Variants in TCTN2 observed in about 807,000 individuals in gnomAD.
TCTN2 encodes the protein tectonic-2.
TCTN2 carries 66 observed loss-of-function variants against 83.4 expected under a neutral mutation model. That is an observed-to-expected ratio of 0.79 (90% CI 0.65 to 0.97). TCTN2 has a LOEUF of 0.97. Among genes scored for constraint, TCTN2 ranks in the 50% least tolerant of loss-of-function variants. The pLI is 0.00. For missense variants in TCTN2, 794 were observed against 858.1 expected, an observed-to-expected ratio of 0.93 and a Z score of 0.93; for synonymous variants, 301 against 326.7, an observed-to-expected ratio of 0.92 and a Z score of 0.85.
intron 15 of TCTN2, 52 bp downstream of exon 15, chr12:123,704,740 G>C: frequency 6.3e-7 from 1 of 1,590,970 alleles, no homozygotes; most frequent in Admixed American, 1.7e-5. Flanking sequence ...GGAAAGTTGA[G>C]AGCATCCCAA....
Position 123,686,883 on chromosome 12 carries a change from C to T in TCTN2, c.612C>T (p.Thr204=), listed in dbSNP as rs761526808. Residue 204 remains threonine (T), a synonymous_variant, in exon 6 of 18, where the codon ACC becomes ACT. Transcript: ENST00000303372. ...LTTLFRRSCF[T]GVFGGDVNPP... is the part of the protein sequence containing the mutation. ...CGCTGTTCAGACGGTCCTGCTTCAC[C>T]GGCGTGTTTGGAGGAGACGTCAATC... 1.0e-4 allele frequency: 165 copies of T among 1,614,072 alleles called. No individual in the cohort carries two copies. The highest frequency in any genetic ancestry group is 4.0e-4 in the Admixed American group (24 of 59,992).
intron 5 of TCTN2, among the ~76,000 whole-genome samples, chr12:123,685,678 C>G (rs1955955837): frequency 6.6e-6 from 1 of 151,410 alleles, no homozygotes; most frequent in Non-Finnish European, 1.5e-5. Context: ...CTCAGCCTCC[C>G]AAAGTGCTGG....
chr12:123,679,449 C>T (rs976492216), intron 5 of TCTN2, among the ~76,000 whole-genome samples, 160 bp downstream of exon 5: 2 of 152,120 alleles, frequency 1.3e-5, no homozygotes, highest in Non-Finnish European at 1.5e-5. Context: ...GCAGCCTCGA[C>T]CTCCCGGGCT....
At chr12:123,675,579 C>T (rs1442877364) in intron 4 of TCTN2, among the ~76,000 whole-genome samples, 1 of 152,138 alleles carries the variant, frequency 6.6e-6, no homozygotes, top group Admixed American at 6.6e-5. Context: ...ACTACTGTGC[C>T]CTCAGTGTAC....
intron 11 of TCTN2, chr12:123,696,005 A>G (rs1956103312): frequency 4.5e-6 from 1 of 222,354 alleles, no homozygotes; most frequent in South Asian, 6.4e-5. Flanking sequence ...CAACACCCTC[A>G]GCAAATTTTT....
intron 5 of TCTN2, 126 bp downstream of exon 5, chr12:123,679,415 A>G: frequency 1.1e-6 from 1 of 877,524 alleles, no homozygotes; most frequent in South Asian, 1.4e-5. Context: ...AGGCTGGAGT[A>G]TGGTGATGCA....
At position 123,688,134 on chromosome 12, in the gene TCTN2, A is replaced by T. The variant is rs2135836324; in HGVS notation, c.848A>T (p.Asp283Val). The T allele has an allele frequency of 1.2e-6, 2 of 1,613,792 alleles. No individual in the cohort carries two copies. Among genetic ancestry groups the T allele is most frequent in the Middle Eastern group, 3.3e-4 (2 of 6,060 alleles). Residue 283 changes from aspartate (D) to valine (V), a missense_variant, in exon 7 of 18, where the codon GAT (aspartate) becomes GTT (valine). By Grantham distance (152) the Asp-to-Val change is radical. Transcript: ENST00000303372. ...DFADFGYKQG[D>V]PIMTVKKAYF... ...GCAGACTTTGGTTACAAACAAGGAGATCCCATTATGACTGTAAAGAAGGCA... is the reference window on the plus strand; with the variant it reads ...GCAGACTTTGGTTACAAACAAGGAGTTCCCATTATGACTGTAAAGAAGGCA...
At chr12:123,704,505 A>G in intron 14 of TCTN2, 27 bp from the exon 15 acceptor site, 1 of 1,588,074 alleles carries the variant, frequency 6.3e-7, no homozygotes, top group Non-Finnish European at 8.6e-7. Context: ...TATTCTTTGA[A>G]AAGTGTATAA....
rs199823546 is a variant in TCTN2 at position 123,687,056 on chromosome 12, C to T, written c.764+21C>T. On this transcript the variant is annotated intron_variant, in intron 6 of 17. Coordinates refer to ENST00000303372, the MANE Select transcript of TCTN2 (RefSeq NM_024809.5). ...GCTGTGTAAGTGTCTGAGCAGCCGC[C>T]TGGGATGGGGCATTGTTCTCCCGCC... 9 of 1,614,006 alleles carry T rather than the reference C, an allele frequency of 5.6e-6. No individual in the cohort carries two copies. In the East Asian group the frequency reaches 2.0e-4, roughly 36 times the overall value.
At position 123,706,849 on chromosome 12, in the gene TCTN2, A is replaced by T; in HGVS notation, c.1893A>T (p.Thr631=). 3 of 1,614,178 alleles carry T rather than the reference A, an allele frequency of 1.9e-6. No individual in the cohort carries two copies. ...CTGCACAGTTACCCCACCCCCTGAC[A>T]AGGTACTCCAGTTGCTCACCTAGTT... ...KIPAQLPHPL[T]RFQINYTEYD... The change falls in exon 16 of 18, where the codon ACA becomes ACT. Residue 631 remains threonine (T), a splice_region_variant and synonymous_variant. Transcript: ENST00000303372.
chr12:123,696,900 G>A, intron 12 of TCTN2, 187 bp from the exon 13 acceptor site: 1 of 594,280 alleles, frequency 1.7e-6, no homozygotes, highest in Non-Finnish European at 3.0e-6. Context: ...CACCGCTCAG[G>A]ATCTGAGAAG....
At position 123,671,153 on chromosome 12, in the gene TCTN2, C is replaced by A; in HGVS notation, c.-88C>A. 1 of 1,270,006 alleles carries A rather than the reference C, an allele frequency of 7.9e-7. No homozygotes were observed. The highest frequency in any genetic ancestry group is 1.1e-6 in the Non-Finnish European group (1 of 899,374). The allele number at this position is 1,270,006 out of a possible 1,614,324, so 78.7% of individuals were successfully genotyped here. ...CGCTTGCAAGATGGCGGCGGCGGGG[C>A]AGTGGCTGCTGCGTTTTCGTGTCTG... On this transcript the variant is annotated 5_prime_UTR_variant, in exon 1 of 18. Coordinates refer to ENST00000303372, the MANE Select transcript of TCTN2 (RefSeq NM_024809.5).
chr12:123,671,976 C>A, intron 2 of TCTN2, 80 bp from the exon 3 acceptor site: 1 of 1,160,088 alleles, frequency 8.6e-7, no homozygotes, highest in South Asian at 1.2e-5. Flanking sequence ...TAATGTGAGT[C>A]CATCCTAGGC....
intron 5 of TCTN2, among the ~76,000 whole-genome samples, chr12:123,684,002 A>ACCCAAGT (rs1955932567): frequency 1.3e-5 from 2 of 152,130 alleles, no homozygotes; most frequent in African/African-American, 4.8e-5. Flanking sequence ...ATTTACTGGT[A>ACCCAAGT]CCCAAGTCCC....
intron 8 of TCTN2, among the ~76,000 whole-genome samples, chr12:123,692,175 T>C (rs1184472308): frequency 1.3e-5 from 2 of 151,918 alleles, no homozygotes; most frequent in Non-Finnish European, 2.9e-5. Context: ...CCTCCCAGAG[T>C]GCTGGGATTA....
rs774166162 is a variant in TCTN2 at position 123,694,922 on chromosome 12, A to T, written c.1180A>T (p.Ile394Phe). The T allele has an allele frequency of 8.7e-6, 14 of 1,613,384 alleles. No individual in the cohort carries two copies. In the Middle Eastern group the frequency reaches 9.9e-4, roughly 114 times the overall value. The change falls in exon 10 of 18, where the codon ATC (isoleucine) becomes TTC (phenylalanine). Residue 394 changes from isoleucine (I) to phenylalanine (F), a missense_variant. Coordinates refer to ENST00000303372, the MANE Select transcript of TCTN2 (RefSeq NM_024809.5). ...HYIFKWNNNT[I>F]SEINVKIFRA... ...TATTTTCAAATGGAATAATAATACC[A>T]TCAGTGAAATAAATGTTAAAATTTT...
At chr12:123,703,440 C>T (rs1441004995) in intron 14 of TCTN2, among the ~76,000 whole-genome samples, 1 of 152,106 alleles carries the variant, frequency 6.6e-6, no homozygotes, top group Non-Finnish European at 1.5e-5. Context: ...CCTCAGCCTC[C>T]CAAAGTGTTG....
Position 123,690,593 on chromosome 12 carries a change from G to T in TCTN2, c.952G>T (p.Val318Phe). 2 of 1,614,184 alleles carry T rather than the reference G, an allele frequency of 1.2e-6. No homozygotes were observed. Among genetic ancestry groups the T allele is most frequent in the Non-Finnish European group, 1.7e-6 (2 of 1,180,038 alleles). The change falls in exon 8 of 18, where the codon GTT becomes TTT. Residue 318 changes from valine to phenylalanine, a missense_variant. Coordinates refer to ENST00000303372, the MANE Select transcript of TCTN2 (RefSeq NM_024809.5). Reference protein sequence around the residue: ...APVAFLHNFDVKCVTNLELYQ... With the variant: ...APVAFLHNFDFKCVTNLELYQ... ...AGTGGCATTTCTTCACAATTTTGAT[G>T]TTAAATGCGTTACTAATTTGGAACT...
rs1293062035 is a variant in TCTN2 at position 123,699,740 on chromosome 12, A to AGCGACTCACGTTGCAATGAGAG, written c.1545_1566dup (p.Asn523AspfsTer13). On this transcript the variant is annotated frameshift_variant, in exon 14 of 18. Transcript: ENST00000303372. LOFTEE classifies it high-confidence loss of function. Reference sequence around the variant, plus strand: ...TTGAAAGACTTGATTCATTAATACAAGCGACTCACGTTGCAATGAGAGGCA... The same window carrying AGCGACTCACGTTGCAATGAGAG: ...TTGAAAGACTTGATTCATTAATACAAGCGACTCACGTTGCAATGAGAGGCGACTCACGTTGCAATGAGAGGCA... The AGCGACTCACGTTGCAATGAGAG allele has an allele frequency of 2.5e-6, 4 of 1,613,718 alleles. No homozygotes were observed. The South Asian group carries it at 4.4e-5, about 18-fold the overall frequency.
Sources: gnomAD v4.1 joint callset for allele counts (sites outside exome capture counted in the v4.1 genomes callset) on GRCh38, gnomAD v4.1.1 for gene constraint, MANE v1.5 for transcripts, NCBI Gene and HGNC (gene_info 2026-07-23, HGNC 2026-07-21) for gene names.